Variants in DHRS7B observed in about 807,000 individuals in gnomAD.
The protein encoded by DHRS7B is dehydrogenase/reductase 7B.
DHRS7B carries 24 observed loss-of-function variants against 26.4 expected under a neutral mutation model. The ratio of observed to expected loss-of-function variants is 0.91; its 90% CI spans 0.66 to 1.28. DHRS7B has a LOEUF of 1.28. Among genes scored for constraint, DHRS7B ranks in the 50% most tolerant of loss-of-function variants. DHRS7B has a pLI of 0.00. For synonymous variants in DHRS7B, 142 were observed against 166.4 expected, an observed-to-expected ratio of 0.85 and a Z score of 1.13; for missense variants, 368 against 419.4, an observed-to-expected ratio of 0.88 and a Z score of 1.07.
At chr17:21,187,363 C>T (rs1320447610) in intron 5 of DHRS7B, among the ~76,000 whole-genome samples, 3 of 151,524 alleles carry the variant, frequency 2.0e-5, no homozygotes, top group Non-Finnish European at 2.9e-5. Flanking sequence ...CGGTGGCTCA[C>T]GCCTGTAATC....
At chr17:21,188,903 G>T (rs746556079) in intron 6 of DHRS7B, 40 bp downstream of exon 6, 1 of 1,612,340 alleles carries the variant, frequency 6.2e-7, no homozygotes, top group Admixed American at 1.7e-5. Flanking sequence ...AAAATCTGTC[G>T]GTCAGCCACA....
intron 1 of DHRS7B, among the ~76,000 whole-genome samples, chr17:21,164,512 C>A (rs1474542401): frequency 6.6e-6 from 1 of 152,134 alleles, no homozygotes; most frequent in South Asian, 2.1e-4. Flanking sequence ...AGACAATAAT[C>A]TGATTTAGGA....
At chr17:21,154,258 C>T (rs1443686883) in intron 1 of DHRS7B, among the ~76,000 whole-genome samples, 7 of 151,656 alleles carry the variant, frequency 4.6e-5, no homozygotes, top group East Asian at 1.9e-4. Flanking sequence ...TGCAGTGAGC[C>T]GAGATCGTGA....
chr17:21,146,548 T>C (rs535081673), intron 1 of DHRS7B, among the ~76,000 whole-genome samples: 1 of 152,310 alleles, frequency 6.6e-6, no homozygotes, highest in East Asian at 1.9e-4. Flanking sequence ...ACTCACTTAG[T>C]ATGATGTTGG....
intron 3 of DHRS7B, among the ~76,000 whole-genome samples, chr17:21,181,191 A>G (rs1375369993): frequency 1.3e-5 from 2 of 152,098 alleles, no homozygotes; most frequent in Admixed American, 6.6e-5. Flanking sequence ...GGCTCAAGCA[A>G]TCCTCTGCCT....
intron 1 of DHRS7B, among the ~76,000 whole-genome samples, chr17:21,147,152 G>C (rs1381333486): frequency 6.6e-6 from 1 of 152,170 alleles, no homozygotes; most frequent in Non-Finnish European, 1.5e-5. Context: ...GTGGCGCTTA[G>C]AGTCTGTTGA....
intron 1 of DHRS7B, among the ~76,000 whole-genome samples, chr17:21,133,390 A>G (rs555017502): frequency 2.0e-5 from 3 of 146,354 alleles, no homozygotes; most frequent in East Asian, 4.0e-4. Context: ...AATTCCATCT[A>G]GAAAGGCAGG....
chr17:21,190,735 C>G (rs1371138837), intron 6 of DHRS7B, among the ~76,000 whole-genome samples: 1 of 152,244 alleles, frequency 6.6e-6, no homozygotes, highest in African/African-American at 2.4e-5. Flanking sequence ...TCTCGCTTCC[C>G]CCACTGACCC....
intron 1 of DHRS7B, chr17:21,168,739 GCT>G: frequency 2.0e-6 from 2 of 985,432 alleles, no homozygotes; most frequent in Non-Finnish European, 2.4e-6. Context: ...GCAGACATGC[GCT>G]CTCCCCACAG....
chr17:21,138,788 A>G (rs1347710849), intron 1 of DHRS7B, among the ~76,000 whole-genome samples: 1 of 152,134 alleles, frequency 6.6e-6, no homozygotes, highest in Admixed American at 6.5e-5. Context: ...TTTTAGCAAG[A>G]ATGTTTTCCT....
chr17:21,138,101 T>TACACACAC lies in DHRS7B; in HGVS notation c.20+11134_20+11141dup, dbSNP rs370861401. The stretch of plus-strand genomic sequence containing the variant: ...ATATATATATATATATATATATATA[T>TACACACAC]ACACACACACACACACACACACACA... On this transcript the variant is annotated intron_variant, in intron 1 of 6. Transcript: ENST00000395511. Among the ~76,000 whole-genome samples, 104 of 86,084 alleles carry TACACACAC rather than the reference T, an allele frequency of 1.2e-3. 3 individuals carry two copies. Among genetic ancestry groups the TACACACAC allele is most frequent in the African/African-American group, 4.3e-3 (77 of 17,730 alleles). The allele number at this position is 86,084 out of a possible 152,430, so 56.5% of individuals were successfully genotyped here.
At chr17:21,138,507 G>A (rs1394600089) in intron 1 of DHRS7B, among the ~76,000 whole-genome samples, 2 of 151,964 alleles carry the variant, frequency 1.3e-5, no homozygotes, top group African/African-American at 4.8e-5. Flanking sequence ...ACAGGTGTGA[G>A]CCACCGCGCC....
At chr17:21,174,323 T>C (rs954073015) in intron 2 of DHRS7B, among the ~76,000 whole-genome samples, 1 of 152,240 alleles carries the variant, frequency 6.6e-6, no homozygotes, top group South Asian at 2.1e-4. Context: ...GAGCTTGTCC[T>C]TGTAGAATAG....
At chr17:21,174,246 T>G (rs1033950468) in intron 2 of DHRS7B, among the ~76,000 whole-genome samples, 1 of 152,250 alleles carries the variant, frequency 6.6e-6, no homozygotes, top group Non-Finnish European at 1.5e-5. Flanking sequence ...TTTGGAGTTA[T>G]GCAACGAGTC....
chr17:21,127,059 C>A (rs1406988766), intron 1 of DHRS7B, 68 bp downstream of exon 1: 1 of 1,434,224 alleles, frequency 7.0e-7, no homozygotes, highest in Non-Finnish European at 9.2e-7. Context: ...TGAGGCGACG[C>A]CCCGGCTTGG....
intron 1 of DHRS7B, among the ~76,000 whole-genome samples, chr17:21,147,017 G>A (rs1239129204): frequency 1.3e-5 from 2 of 152,190 alleles, no homozygotes; most frequent in Admixed American, 1.3e-4. Context: ...GCACTACTAT[G>A]AAGACATTTG....
At chr17:21,147,089 G>T (rs1373117184) in intron 1 of DHRS7B, among the ~76,000 whole-genome samples, 1 of 152,122 alleles carries the variant, frequency 6.6e-6, no homozygotes, top group Non-Finnish European at 1.5e-5. Flanking sequence ...ATTTTATCAA[G>T]ATTTTAATTT....
chr17:21,145,885 T>C (rs1973632385), intron 1 of DHRS7B, among the ~76,000 whole-genome samples: 1 of 152,240 alleles, frequency 6.6e-6, no homozygotes, highest in South Asian at 2.1e-4. Flanking sequence ...TTATGGTATT[T>C]TCAACTTATG....
intron 3 of DHRS7B, among the ~76,000 whole-genome samples, chr17:21,182,477 G>A (rs984320355): frequency 6.6e-6 from 1 of 152,092 alleles, no homozygotes; most frequent in African/African-American, 2.4e-5. Context: ...TTGAACTCCC[G>A]ACCTCAGGTG....
Sources: gnomAD v4.1 joint callset for allele counts (sites outside exome capture counted in the v4.1 genomes callset) on GRCh38, gnomAD v4.1.1 for gene constraint, MANE v1.5 for transcripts, NCBI Gene and HGNC (gene_info 2026-07-23, HGNC 2026-07-21) for gene names.